The following ADARB2 variants were observed in gnomAD, a reference collection of about 807,000 sequenced individuals.
The protein encoded by ADARB2 is inactive double-stranded RNA-specific editase B2.
A neutral mutation model predicts 62.2 loss-of-function variants in ADARB2; 25 were observed. That is an observed-to-expected ratio of 0.40 (90% CI 0.29 to 0.56). The LOEUF is 0.56. Ranked by LOEUF, ADARB2 falls within the 20% of genes least tolerant of loss-of-function variation. The probability of loss-of-function intolerance (pLI) is 0.43; values close to 1 mark genes in which losing one functional copy is unlikely to be tolerated. For synonymous variants in ADARB2, 572 were observed against 500.8 expected (o/e 1.14, Z -1.90); for missense variants, 1,071 against 1,077.4 (o/e 0.99, Z 0.08).
chr10:1,449,179 A>T (rs1186059880), intron 1 of ADARB2, among the ~76,000 whole-genome samples: 1 of 152,142 alleles, frequency 6.6e-6, no homozygotes. Flanking sequence ...ATTGCCAGGA[A>T]CAGTCAGCCC....
chr10:1,662,035 G>A (rs1310651916), intron 1 of ADARB2, among the ~76,000 whole-genome samples: 1 of 152,168 alleles, frequency 6.6e-6, no homozygotes, highest in Non-Finnish European at 1.5e-5. Context: ...GAGCCCAGGA[G>A]TCCCCAGGGA....
At chr10:1,509,710 C>T (rs1487037926) in intron 1 of ADARB2, among the ~76,000 whole-genome samples, 1 of 152,308 alleles carries the variant, frequency 6.6e-6, no homozygotes, top group African/African-American at 2.4e-5. Flanking sequence ...TCATTAGGTC[C>T]GTGCAGGCTC....
chr10:1,425,369 C>T (rs1832885693), intron 1 of ADARB2, among the ~76,000 whole-genome samples: 1 of 152,166 alleles, frequency 6.6e-6, no homozygotes. Context: ...TTTAATCTTC[C>T]CGGAGCATAG....
chr10:1,644,940 C>T lies in ADARB2; in HGVS notation c.100+92111G>A, dbSNP rs140406891. ...ATTTTCGCAAGCAGTTTTAAGAGTG[C>T]GTGTCACGCCTATACAAACACACAA... On this transcript the variant is annotated intron_variant, in intron 1 of 9. Coordinates refer to ENST00000381312, the MANE Select transcript of ADARB2 (RefSeq NM_018702.4). Among the ~76,000 whole-genome samples, 775 of 152,324 alleles carry T rather than the reference C, an allele frequency of 5.1e-3. 9 individuals are homozygous for T. Among genetic ancestry groups the T allele is most frequent in the African/African-American group, 0.017 (701 of 41,558 alleles).
At chr10:1,537,357 G>T (rs1832345666) in intron 1 of ADARB2, among the ~76,000 whole-genome samples, 1 of 152,244 alleles carries the variant, frequency 6.6e-6, no homozygotes. Context: ...CTTTTACACT[G>T]TTGGTGGGAA....
intron 7 of ADARB2, among the ~76,000 whole-genome samples, chr10:1,205,996 G>GATGGGGT (rs1564219820): frequency 2.0e-5 from 3 of 151,752 alleles, no homozygotes; most frequent in African/African-American, 7.3e-5. Flanking sequence ...GGGGCAGCCC[G>GATGGGGT]CTGGGGTCAG....
chr10:1,691,784 C>G (rs909681004), intron 1 of ADARB2, among the ~76,000 whole-genome samples: 1 of 152,178 alleles, frequency 6.6e-6, no homozygotes, highest in African/African-American at 2.4e-5. Flanking sequence ...AATCATCCCT[C>G]TGTCTTGCTC....
At chr10:1,676,995 T>C (rs991516879) in intron 1 of ADARB2, among the ~76,000 whole-genome samples, 5 of 152,220 alleles carry the variant, frequency 3.3e-5, no homozygotes, top group Non-Finnish European at 5.9e-5. Flanking sequence ...CCCCCTGACC[T>C]GCCTGTTCTG....
At chr10:1,682,458 C>G (rs967700122) in intron 1 of ADARB2, among the ~76,000 whole-genome samples, 1 of 152,186 alleles carries the variant, frequency 6.6e-6, no homozygotes, top group African/African-American at 2.4e-5. Context: ...AGAAACCAAC[C>G]AACCAAGCAA....
intron 6 of ADARB2, among the ~76,000 whole-genome samples, chr10:1,230,628 C>G (rs1186669895): frequency 6.6e-5 from 10 of 152,158 alleles, no homozygotes; most frequent in Admixed American, 6.5e-4. Context: ...TCAGGCAGTT[C>G]AAAGGATGCA....
chr10:1,281,067 G>A (rs1466620947), intron 3 of ADARB2, among the ~76,000 whole-genome samples: 1 of 152,252 alleles, frequency 6.6e-6, no homozygotes, highest in Non-Finnish European at 1.5e-5. Context: ...CAATCAAATT[G>A]AAGACTTATG....
intron 1 of ADARB2, among the ~76,000 whole-genome samples, chr10:1,460,278 C>A (rs199931136): frequency 1.2e-4 from 4 of 34,448 alleles, no homozygotes; most frequent in Admixed American, 2.8e-4. Flanking sequence ...CTGAGTTTAC[C>A]TGTGTAACGA....
intron 1 of ADARB2, among the ~76,000 whole-genome samples, chr10:1,581,021 A>G (rs1203370223): frequency 1.3e-5 from 2 of 152,220 alleles, no homozygotes; most frequent in Non-Finnish European, 1.5e-5. Context: ...TAAAGCCGCT[A>G]TAAGCATCTG....
intron 2 of ADARB2, 103 bp downstream of exon 2, chr10:1,378,971 C>T: frequency 1.0e-6 from 1 of 966,016 alleles, no homozygotes; most frequent in South Asian, 1.4e-5. Flanking sequence ...CAAACAGACC[C>T]TCCCAGATGA....
intron 1 of ADARB2, among the ~76,000 whole-genome samples, chr10:1,643,755 T>G (rs1363151314): frequency 6.6e-6 from 1 of 152,176 alleles, no homozygotes; most frequent in Non-Finnish European, 1.5e-5. Context: ...TTTTTCTTTT[T>G]TTTCTGTACA....
intron 1 of ADARB2, among the ~76,000 whole-genome samples, chr10:1,611,765 C>T (rs11250664): frequency 1.3e-5 from 2 of 152,088 alleles, no homozygotes; most frequent in Non-Finnish European, 2.9e-5. Flanking sequence ...CTTGATATAT[C>T]GTCCCAGCGA....
intron 3 of ADARB2, among the ~76,000 whole-genome samples, chr10:1,277,128 G>A (rs1388606935): frequency 6.6e-6 from 1 of 152,194 alleles, no homozygotes; most frequent in Non-Finnish European, 1.5e-5. Context: ...GAAATTTATA[G>A]CACTAAATGC....
chr10:1,329,246 C>T (rs1266732936), intron 3 of ADARB2, among the ~76,000 whole-genome samples: 1 of 152,182 alleles, frequency 6.6e-6, no homozygotes, highest in Non-Finnish European at 1.5e-5. Context: ...TGAAAATTGT[C>T]AGACTATTTC....
intron 1 of ADARB2, among the ~76,000 whole-genome samples, chr10:1,563,335 T>G (rs965947986): frequency 6.6e-6 from 1 of 152,124 alleles, no homozygotes; most frequent in African/African-American, 2.4e-5. Context: ...CCCACACCCT[T>G]TAGATCTGCC....
Sources: allele counts gnomAD v4.1 joint callset (sites outside exome capture counted in the v4.1 genomes callset), GRCh38; gene constraint gnomAD v4.1.1; transcripts MANE v1.5; gene names NCBI Gene and HGNC (gene_info 2026-07-23, HGNC 2026-07-21).